AGAP3: variants seen among roughly 807,000 people sequenced by gnomAD.
The protein encoded by AGAP3 is ArfGAP with GTPase domain, ankyrin repeat and PH domain 3, also known as arf-GAP with GTPase, ANK repeat and PH domain-containing protein 3.
A neutral mutation model predicts 96.9 loss-of-function variants in AGAP3; 24 were observed. The observed-to-expected ratio is 0.25, with a 90% confidence interval of 0.18 to 0.35. The LOEUF (loss-of-function observed/expected upper bound fraction) is 0.35. Among genes scored for constraint, AGAP3 ranks in the 10% least tolerant of loss-of-function variants. The pLI, the probability that AGAP3 is intolerant of heterozygous loss-of-function variation, is 1.00. For missense variants in AGAP3, 876 were observed against 1,254.2 expected (o/e 0.70, Z 4.55); for synonymous variants, 563 against 536.1 (o/e 1.05, Z -0.69).
chr7:151,125,290 T>C (rs961489839), intron 9 of AGAP3, among the ~76,000 whole-genome samples: 8 of 152,244 alleles, frequency 5.3e-5, no homozygotes, highest in African/African-American at 1.9e-4. Flanking sequence ...ACGTGCTCCC[T>C]TTCCTCACTG....
chr7:151,116,893 G>GC, intron 2 of AGAP3, 42 bp downstream of exon 2: 3 of 1,610,548 alleles, frequency 1.9e-6, no homozygotes, highest in African/African-American at 1.3e-5. Flanking sequence ...CTGGAGCTGG[G>GC]GGGGCGAGGC....
chr7:151,136,201 C>T (rs1448331724), intron 11 of AGAP3: 1 of 152,268 alleles, frequency 6.6e-6, no homozygotes, highest in Non-Finnish European at 1.5e-5. Context: ...AGGAGCAGGC[C>T]CAAGTGAGTC....
intron 1 of AGAP3, among the ~76,000 whole-genome samples, chr7:151,093,623 T>G (rs1798484002): frequency 6.6e-6 from 1 of 152,214 alleles, no homozygotes; most frequent in Non-Finnish European, 1.5e-5. Flanking sequence ...TATTAACGAC[T>G]CTTTGCTGGA....
chr7:151,122,519 GCCT>G (rs1275053159), intron 8 of AGAP3, among the ~76,000 whole-genome samples: 5 of 151,212 alleles, frequency 3.3e-5, no homozygotes, highest in East Asian at 3.9e-4. Flanking sequence ...CGCCGCCGCC[GCCT>G]CCTCCTCCTC....
Position 151,142,466 on chromosome 7 carries a change from G to A in AGAP3, c.2105G>A (p.Gly702Asp). 6.2e-7 allele frequency: 1 copy of A among 1,613,976 alleles called. No homozygotes were observed. The change falls in exon 16 of 18, where the codon GGC (glycine) becomes GAC (aspartate). Residue 702 changes from glycine (G) to aspartate (D), a missense_variant. By Grantham distance (94) the Gly-to-Asp change is moderately conservative. Coordinates refer to ENST00000397238, the MANE Select transcript of AGAP3 (RefSeq NM_031946.7). This position sits in a 1 kb window ranked among gnomAD's most constrained non-coding sequence, Gnocchi z 7.5. ...LGALMCIECS[G>D]IHRHLGAHLS... ...GCCCTGATGTGCATTGAGTGCTCAG[G>A]CATCCACCGACACCTGGGGGCTCAC...
intron 9 of AGAP3, among the ~76,000 whole-genome samples, chr7:151,125,115 C>T (rs1324320145): frequency 6.6e-6 from 1 of 152,204 alleles, no homozygotes; most frequent in African/African-American, 2.4e-5. Flanking sequence ...CGGGCACCTC[C>T]TTTGTGGGGG....
intron 1 of AGAP3, among the ~76,000 whole-genome samples, chr7:151,113,585 G>A (rs1223636021): frequency 1.3e-5 from 2 of 152,236 alleles, no homozygotes. Flanking sequence ...GGGGGTGGAG[G>A]AAAGTGGGCA....
rs1256985743 is a variant in AGAP3, at chr7:151,118,371, C to A, written c.841+27C>A. The A allele has an allele frequency of 6.3e-7, 1 of 1,599,808 alleles. No homozygotes were observed. The highest frequency in any genetic ancestry group is 8.6e-7 in the Non-Finnish European group (1 of 1,169,158). ...TAACTCGGGTGCCGGGTGGGAGTCA[C>A]TGGCAGCCGCGGCCCCAGTGCTGGC... On this transcript the variant is annotated intron_variant, in intron 6 of 17. Coordinates refer to ENST00000397238, the MANE Select transcript of AGAP3 (RefSeq NM_031946.7). This position sits in a 1 kb window ranked among gnomAD's most constrained non-coding sequence, Gnocchi z 6.1.
chr7:151,115,683 C>T (rs999748920), intron 1 of AGAP3: 1 of 1,110,242 alleles, frequency 9.0e-7, no homozygotes, highest in Non-Finnish European at 1.1e-6. Flanking sequence ...GAAAACAGCT[C>T]GCGGGAGAAA....
Position 151,128,263 on chromosome 7 carries a change from T to C in AGAP3, c.1222-317T>C, listed in dbSNP as rs544360417. ...CTGACTGTCTACACCTCCGATCATC[T>C]ACACCCGACGGTCTACACCCCTGAC... On this transcript the variant is annotated intron_variant, in intron 9 of 17. Coordinates refer to ENST00000397238, the MANE Select transcript of AGAP3 (RefSeq NM_031946.7). The C allele has an allele frequency of 1.5e-5, 5 of 338,994 alleles. No individual in the cohort carries two copies. The East Asian group carries it at 2.4e-4, about 16-fold the overall frequency. 21.0% of individuals were successfully genotyped at this position (338,994 alleles called of 1,614,324 possible). A position where few individuals can be genotyped will look rare whatever the true frequency, so the allele number is the denominator to read the frequency against.
Position 151,118,300 on chromosome 7 carries a change from C to T in AGAP3, c.797C>T (p.Thr266Met), listed in dbSNP as rs765272507. Residue 266 changes from threonine to methionine, a missense_variant, in exon 6 of 18, where the codon ACG (threonine) becomes ATG (methionine). Thr to Met is a moderately conservative substitution (Grantham distance 81). This residue lies in a region of AGAP3 where 131 missense variants were observed against 304.5 expected (regional missense o/e 0.43). Transcript: ENST00000397238. This position sits in a 1 kb window ranked among gnomAD's most constrained non-coding sequence, Gnocchi z 6.1. ...TDLKRCTYYE[T>M]CATYGLNVER... ...CTGAAGCGGTGCACCTACTATGAGA[C>T]GTGCGCGACCTACGGGCTCAATGTG... 1 of 1,613,506 alleles carries T rather than the reference C, an allele frequency of 6.2e-7. No homozygotes were observed. Among genetic ancestry groups the T allele is most frequent in the Non-Finnish European group, 8.5e-7 (1 of 1,179,444 alleles).
chr7:151,121,250 C>T (rs1018278484), intron 8 of AGAP3, among the ~76,000 whole-genome samples: 23 of 152,202 alleles, frequency 1.5e-4, no homozygotes, highest in African/African-American at 4.8e-5. Context: ...TCTGTGCTGA[C>T]GGTCCGCCAC....
rs760416622 is a variant in AGAP3, at chr7:151,117,811, C to T, written c.706+34C>T. The T allele has an allele frequency of 1.9e-6, 3 of 1,580,434 alleles. No homozygotes were observed. The African/African-American group carries it at 4.0e-5, about 21-fold the overall frequency. On this transcript the variant is annotated intron_variant, in intron 5 of 17. Coordinates refer to ENST00000397238, the MANE Select transcript of AGAP3 (RefSeq NM_031946.7). ...GGGCCCTGCAGGAGCTGGCAGAGAGCAGGAAGTCCCGGGCAACGATGCATG... is the reference window on the plus strand; with the variant it reads ...GGGCCCTGCAGGAGCTGGCAGAGAGTAGGAAGTCCCGGGCAACGATGCATG...
intron 1 of AGAP3, chr7:151,116,461 C>T (rs956950124): frequency 5.1e-6 from 2 of 392,774 alleles, no homozygotes; most frequent in East Asian, 4.8e-5. Flanking sequence ...GGTATTTGGG[C>T]CACAGGGGCA....
intron 9 of AGAP3, 176 bp from the exon 10 acceptor site, chr7:151,128,404 G>A (rs1800267438): frequency 3.5e-6 from 2 of 577,466 alleles, no homozygotes; most frequent in South Asian, 2.1e-5. Context: ...TCTGGGGAAG[G>A]ACTGGTCTAA....
intron 1 of AGAP3, among the ~76,000 whole-genome samples, chr7:151,112,892 G>A (rs938686768): frequency 6.6e-6 from 1 of 152,138 alleles, no homozygotes; most frequent in Non-Finnish European, 1.5e-5. Context: ...GCGAGACACG[G>A]TGCCTAATTT....
rs1799126873 is a variant in AGAP3, at chr7:151,108,003, G to T, written c.332-8790G>T. ...TGTAGGATCCTCTGGCACGGCACCG[G>T]CCCATGCGGGGGGTGCAGCACATGC... On this transcript the variant is annotated intron_variant, in intron 1 of 17. Coordinates refer to ENST00000397238, the MANE Select transcript of AGAP3 (RefSeq NM_031946.7). The surrounding 1 kb of genome is among the most constrained non-coding windows in gnomAD (Gnocchi z 4.2). Among the ~76,000 whole-genome samples the T allele has an allele frequency of 6.6e-6, 1 of 152,240 alleles. No individual in the cohort carries two copies. Among genetic ancestry groups the T allele is most frequent in the Non-Finnish European group, 1.5e-5 (1 of 68,046 alleles).
chr7:151,089,888 G>A (rs965482266), intron 1 of AGAP3: 5 of 152,202 alleles, frequency 3.3e-5, no homozygotes, highest in African/African-American at 7.2e-5. Flanking sequence ...GGAAACTGAG[G>A]CTCAGAGAAG....
intron 8 of AGAP3, chr7:151,123,292 G>T: frequency 9.5e-7 from 1 of 1,050,622 alleles, no homozygotes; most frequent in African/African-American, 1.7e-5. Flanking sequence ...GAGCTTGACA[G>T]GGTGCAGGGC....
Sources: allele counts gnomAD v4.1 joint callset (sites outside exome capture counted in the v4.1 genomes callset), GRCh38; gene constraint gnomAD v4.1.1; regional missense constraint gnomAD v4.1.1; non-coding constraint Gnocchi (gnomAD v3.1); transcripts MANE v1.5; gene names NCBI Gene and HGNC (gene_info 2026-07-23, HGNC 2026-07-21).